Variants in GPHN observed in about 807,000 individuals in gnomAD.
GPHN encodes the protein gephyrin.
In GPHN, 17 loss-of-function variants were observed where a neutral mutation model predicts 95.5. The observed-to-expected ratio is 0.18, with a 90% CI of 0.12 to 0.27. The LOEUF (loss-of-function observed/expected upper bound fraction) is 0.27, where lower values mean the gene tolerates loss of function less well. GPHN is among the 10% of genes least tolerant of loss of function. The pLI is 1.00. For missense variants in GPHN, 660 were observed against 978.1 expected (o/e 0.67, Z 4.34); for synonymous variants, 320 against 322.5 (o/e 0.99, Z 0.08).
rs138828359 is a variant in GPHN, at chr14:66,833,825, A to C, written c.294+9259A>C. 9.4e-3 allele frequency among the ~76,000 whole-genome samples: 1,430 copies of C among 152,296 alleles called. 29 individuals are homozygous for C. Among genetic ancestry groups the C allele is most frequent in the African/African-American group, 0.033 (1,391 of 41,570 alleles). On this transcript the variant is annotated intron_variant, in intron 4 of 22. Coordinates refer to ENST00000478722, the MANE Select transcript of GPHN (RefSeq NM_020806.5). ...ATTTCCCTTAGAATCAAGAATCAAG[A>C]CAATCGGAATATGTAATCATAGATT...
chr14:67,277,275 G>T, the GPHN span, among the ~76,000 whole-genome samples: 1 of 129,522 alleles, frequency 7.7e-6, no homozygotes, highest in African/African-American at 2.9e-5. Context: ...GTCAAAATTT[G>T]GATGAAAGAC....
chr14:67,563,003 TG>T, the GPHN span: 1 of 1,142,210 alleles, frequency 8.8e-7, no homozygotes, highest in Non-Finnish European at 1.2e-6. Flanking sequence ...GGCATCCTCA[TG>T]GTGGCCCTGG....
At chr14:66,818,691 ATGGT>A (rs2061078009) in intron 3 of GPHN, among the ~76,000 whole-genome samples, 1 of 152,160 alleles carries the variant, frequency 6.6e-6, no homozygotes. Flanking sequence ...GTCTTCCACA[ATGGT>A]TGAACTAATT....
chr14:67,537,199 G>A, the GPHN span, among the ~76,000 whole-genome samples: 1 of 142,482 alleles, frequency 7.0e-6, no homozygotes, highest in Non-Finnish European at 1.5e-5. Context: ...ACAAAAATTA[G>A]CCAGTGTGGT....
At chr14:66,567,908 G>GA (rs2060525311) in intron 1 of GPHN, among the ~76,000 whole-genome samples, 1 of 152,060 alleles carries the variant, frequency 6.6e-6, no homozygotes, top group Non-Finnish European at 1.5e-5. Context: ...TGCCATTAAC[G>GA]AGCTCAAGTT....
the GPHN span, chr14:67,542,061 G>A: frequency 1.4e-6 from 2 of 1,402,308 alleles, no homozygotes; most frequent in Non-Finnish European, 1.9e-6. Context: ...GGCCGTGTGA[G>A]AGAGGGAGAG....
the GPHN span, chr14:67,656,366 G>GC: frequency 6.8e-7 from 1 of 1,469,362 alleles, no homozygotes; most frequent in Non-Finnish European, 9.1e-7. Flanking sequence ...AGGTGCAGTG[G>GC]CCCCCTAATT....
At chr14:67,097,604 C>T (rs569307366) in intron 12 of GPHN, among the ~76,000 whole-genome samples, 2 of 152,204 alleles carry the variant, frequency 1.3e-5, no homozygotes, top group Middle Eastern at 6.8e-3. Context: ...ACTCATTCTT[C>T]ATATTCAAAT....
chr14:67,108,843 G>A (rs1314565195), intron 13 of GPHN, among the ~76,000 whole-genome samples: 1 of 151,822 alleles, frequency 6.6e-6, no homozygotes, highest in Non-Finnish European at 1.5e-5. Flanking sequence ...CATCTTGACA[G>A]TTTTTAAGCT....
intron 1 of GPHN, among the ~76,000 whole-genome samples, chr14:66,524,522 A>T (rs934587274): frequency 5.3e-5 from 8 of 152,142 alleles, no homozygotes; most frequent in African/African-American, 1.9e-4. Flanking sequence ...TTATACTTTA[A>T]GTTCTGGGGT....
At chr14:66,588,855 A>G (rs1291278897) in intron 1 of GPHN, among the ~76,000 whole-genome samples, 1 of 152,178 alleles carries the variant, frequency 6.6e-6, no homozygotes, top group African/African-American at 2.4e-5. Context: ...AAGACAGGCC[A>G]ACATTCAAAT....
the GPHN span, among the ~76,000 whole-genome samples, chr14:67,564,389 G>A: frequency 6.6e-6 from 1 of 152,136 alleles, no homozygotes; most frequent in African/African-American, 2.4e-5. Context: ...GCCAAGGGTG[G>A]GGACACAGAT....
intron 1 of GPHN, among the ~76,000 whole-genome samples, chr14:66,514,811 G>T (rs2139725483): frequency 6.6e-6 from 1 of 152,142 alleles, no homozygotes; most frequent in East Asian, 1.9e-4. Context: ...TCTCTTCAAT[G>T]ATGTCTTTCT....
At chr14:67,363,286 A>G in the GPHN span, among the ~76,000 whole-genome samples, 3 of 151,580 alleles carry the variant, frequency 2.0e-5, no homozygotes, top group Non-Finnish European at 2.9e-5. Flanking sequence ...TTGAATGTCT[A>G]CTTCTCTTTA....
At chr14:67,550,417 G>A in the GPHN span, among the ~76,000 whole-genome samples, 4 of 152,200 alleles carry the variant, frequency 2.6e-5, no homozygotes, top group African/African-American at 7.2e-5. Context: ...TCCAAGTCCT[G>A]AGCTCAAGTG....
intron 2 of GPHN, among the ~76,000 whole-genome samples, chr14:66,766,495 A>G (rs909212688): frequency 6.6e-6 from 1 of 152,194 alleles, no homozygotes; most frequent in African/African-American, 2.4e-5. Flanking sequence ...TCACAAAAAC[A>G]GTAAATGAAC....
chr14:66,945,384 G>T (rs1411443143), intron 8 of GPHN, among the ~76,000 whole-genome samples: 1 of 152,150 alleles, frequency 6.6e-6, no homozygotes, highest in Non-Finnish European at 1.5e-5. Flanking sequence ...AGATTCTCCA[G>T]GGAACCTCCA....
intron 21 of GPHN, among the ~76,000 whole-genome samples, chr14:67,169,699 C>G (rs1027546245): frequency 3.9e-5 from 6 of 152,220 alleles, no homozygotes; most frequent in African/African-American, 1.2e-4. Context: ...CAGTACCAAA[C>G]CATTACTTTC....
chr14:66,557,233 GTAGGTAGATAGA>G (rs1270127726), intron 1 of GPHN, among the ~76,000 whole-genome samples: 292 of 135,394 alleles, frequency 2.2e-3, no homozygotes, highest in East Asian at 0.019. Flanking sequence ...AGATACATAG[GTAGGTAGATAGA>G]TAGATAGATA....
Sources: gnomAD v4.1 joint callset for allele counts (sites outside exome capture counted in the v4.1 genomes callset) on GRCh38, gnomAD v4.1.1 for gene constraint, MANE v1.5 for transcripts, NCBI Gene and HGNC (gene_info 2026-07-23, HGNC 2026-07-21) for gene names.